The following PSMD14 variants were observed in gnomAD, a reference collection of about 807,000 sequenced individuals.
PSMD14 encodes the protein ubiquitin C-terminal hydrolase PSMD14.
A neutral mutation model predicts 41.2 loss-of-function variants in PSMD14; 7 were observed. The ratio of observed to expected loss-of-function variants is 0.17; its 90% CI spans 0.10 to 0.32. The LOEUF is 0.32. Ranked by LOEUF, PSMD14 falls within the 10% of genes least tolerant of loss-of-function variation. PSMD14 has a pLI of 1.00. For synonymous variants in PSMD14, 114 were observed against 122.3 expected, an observed-to-expected ratio of 0.93 and a Z score of 0.45; for missense variants, 139 against 375.6, an observed-to-expected ratio of 0.37 and a Z score of 5.21.
chr2:161,348,264 G>A (rs1350322983), intron 3 of PSMD14, among the ~76,000 whole-genome samples: 3 of 152,158 alleles, frequency 2.0e-5, no homozygotes, highest in African/African-American at 7.2e-5. Context: ...TTTCTTTAAA[G>A]GGCTAGATAG....
intron 3 of PSMD14, among the ~76,000 whole-genome samples, chr2:161,334,739 C>CT: frequency 6.6e-6 from 1 of 152,256 alleles, no homozygotes; most frequent in South Asian, 2.1e-4. Context: ...GATGTGTTTT[C>CT]TTTTTTTGAA....
At chr2:161,365,113 C>A (rs551510893) in intron 3 of PSMD14, among the ~76,000 whole-genome samples, 3 of 152,086 alleles carry the variant, frequency 2.0e-5, no homozygotes, top group Admixed American at 6.6e-5. Context: ...CTAAAAAAAA[C>A]CAAAAATAAA....
At position 161,357,294 on chromosome 2, in the gene PSMD14, G is replaced by T. The variant is rs563065573; in HGVS notation, c.49-10184G>T. Among the ~76,000 whole-genome samples, 14 of 152,072 alleles carry T rather than the reference G, an allele frequency of 9.2e-5. No homozygotes were observed. The South Asian group carries it at 2.5e-3, about 27-fold the overall frequency. ...ATTGTACTGAGGTTTGTTTGCCTTTGCAGAATTCATAACAGGTTTTATATC... is the reference window on the plus strand; with the variant it reads ...ATTGTACTGAGGTTTGTTTGCCTTTTCAGAATTCATAACAGGTTTTATATC... On this transcript the variant is annotated intron_variant, in intron 3 of 11. Transcript: ENST00000409682.
chr2:161,334,150 T>C (rs1682834843), intron 3 of PSMD14, among the ~76,000 whole-genome samples: 1 of 152,098 alleles, frequency 6.6e-6, no homozygotes, highest in African/African-American at 2.4e-5. Flanking sequence ...TTGACCAACA[T>C]GGAGAAAGAA....
chr2:161,350,823 A>G (rs1262551020), intron 3 of PSMD14, among the ~76,000 whole-genome samples: 2 of 152,156 alleles, frequency 1.3e-5, no homozygotes, highest in Non-Finnish European at 2.9e-5. Context: ...AATGGTATTG[A>G]TAGTTACTCT....
At chr2:161,402,134 G>A (rs368488419) in intron 10 of PSMD14, among the ~76,000 whole-genome samples, 4 of 152,050 alleles carry the variant, frequency 2.6e-5, no homozygotes, top group Admixed American at 2.6e-4. Flanking sequence ...CTGCCTCTTC[G>A]CATTGCCAGT....
At chr2:161,393,595 A>G (rs1218357304) in intron 9 of PSMD14, among the ~76,000 whole-genome samples, 2 of 152,166 alleles carry the variant, frequency 1.3e-5, no homozygotes, top group Non-Finnish European at 2.9e-5. Context: ...TTTCTAAACT[A>G]AACCCCCATA....
At chr2:161,349,227 T>C (rs1467007049) in intron 3 of PSMD14, among the ~76,000 whole-genome samples, 1 of 152,206 alleles carries the variant, frequency 6.6e-6, no homozygotes, top group Non-Finnish European at 1.5e-5. Flanking sequence ...ATCCTAATAG[T>C]TCCCCTTTCT....
intron 7 of PSMD14, among the ~76,000 whole-genome samples, chr2:161,378,496 T>C (rs942161176): frequency 4.0e-5 from 6 of 151,576 alleles, no homozygotes; most frequent in South Asian, 4.1e-4. Flanking sequence ...AAAGTGCTCT[T>C]TTTTTTTGAG....
intron 1 of PSMD14, among the ~76,000 whole-genome samples, chr2:161,311,912 G>A (rs1689092753): frequency 1.3e-5 from 2 of 151,922 alleles, no homozygotes; most frequent in Non-Finnish European, 2.9e-5. Context: ...ACCGTGCCCA[G>A]CCACCATTCT....
Position 161,395,186 on chromosome 2 carries a change from G to A in PSMD14, c.754G>A (p.Ala252Thr), listed in dbSNP as rs1429221438. The A allele has an allele frequency of 7.5e-6, 12 of 1,589,610 alleles. No individual in the cohort carries two copies. The highest frequency in any genetic ancestry group is 1.0e-5 in the Non-Finnish European group (12 of 1,168,024). The change falls in exon 10 of 12, where the codon GCC (alanine) becomes ACC (threonine). Residue 252 changes from alanine (A) to threonine (T), a missense_variant. Physicochemically the swap from Ala to Thr is moderately conservative, Grantham distance 58 (BLOSUM62 0). This residue lies in a region of PSMD14 where 80 missense variants were observed against 138.1 expected (regional missense o/e 0.58). Transcript: ENST00000409682. ...AGTGGTAAAAGAGATGTTGGAATTA[G>A]CCAAGAATTACAATAAGGTAAAAGT... ...ESVVKEMLEL[A>T]KNYNKAVEEE... is the part of the protein sequence containing the mutation.
At position 161,396,598 on chromosome 2, in the gene PSMD14, G is replaced by T. The variant is rs143269926; in HGVS notation, c.771+1395G>T. 4.3e-3 allele frequency among the ~76,000 whole-genome samples: 660 copies of T among 152,218 alleles called. 6 individuals are homozygous for T. The highest frequency in any genetic ancestry group is 0.021 in the Middle Eastern group (6 of 292). ...AAAAAGTTGAACTCATAGAAGTAGA[G>T]AGTAGAATTGTGGTTACCAGGAATG... On this transcript the variant is annotated intron_variant, in intron 10 of 11. Coordinates refer to ENST00000409682, the MANE Select transcript of PSMD14 (RefSeq NM_005805.6).
At chr2:161,379,586 T>C (rs1487564599) in intron 7 of PSMD14, among the ~76,000 whole-genome samples, 1 of 152,060 alleles carries the variant, frequency 6.6e-6, no homozygotes, top group Non-Finnish European at 1.5e-5. Flanking sequence ...TTTCCAATTT[T>C]AACACTCTTC....
chr2:161,386,882 C>T (rs1386550453), intron 8 of PSMD14, among the ~76,000 whole-genome samples: 2 of 152,054 alleles, frequency 1.3e-5, no homozygotes, highest in Admixed American at 1.3e-4. Context: ...AATTAAAGCA[C>T]TGCTTTTTAA....
chr2:161,387,749 C>CT (rs1683652882), intron 8 of PSMD14, among the ~76,000 whole-genome samples: 1 of 151,810 alleles, frequency 6.6e-6, no homozygotes, highest in Admixed American at 6.6e-5. Flanking sequence ...ATTTTTTTGT[C>CT]TTTCCTTGTC....
At chr2:161,350,674 A>C (rs1264004121) in intron 3 of PSMD14, among the ~76,000 whole-genome samples, 2 of 152,234 alleles carry the variant, frequency 1.3e-5, no homozygotes, top group Admixed American at 6.5e-5. Flanking sequence ...AAATTAACTA[A>C]ATTGAGGAAT....
At chr2:161,395,050 A>G (rs1377924926) in intron 9 of PSMD14, 28 bp from the exon 10 acceptor site, 1 of 1,549,728 alleles carries the variant, frequency 6.5e-7, no homozygotes. Flanking sequence ...AAGGCAGAAA[A>G]AGAATTACTT....
chr2:161,352,197 T>G (rs935713262), intron 3 of PSMD14, among the ~76,000 whole-genome samples: 4 of 152,172 alleles, frequency 2.6e-5, no homozygotes, highest in African/African-American at 9.7e-5. Context: ...TTTATATCAG[T>G]GATTTTCAAC....
intron 3 of PSMD14, among the ~76,000 whole-genome samples, chr2:161,348,344 G>A (rs560248340): frequency 4.1e-4 from 62 of 152,228 alleles, no homozygotes; most frequent in African/African-American, 1.4e-3. Context: ...TAGTGCTAAA[G>A]CAGCCATATA....
Sources: gnomAD v4.1 joint callset for allele counts (sites outside exome capture counted in the v4.1 genomes callset) on GRCh38, gnomAD v4.1.1 for gene constraint, gnomAD v4.1.1 regional missense constraint, MANE v1.5 for transcripts, NCBI Gene and HGNC (gene_info 2026-07-23, HGNC 2026-07-21) for gene names.